The following FAM184B variants were observed in gnomAD, a reference collection of about 807,000 sequenced individuals.
FAM184B encodes the protein family with sequence similarity 184 member B.
In FAM184B, 111 loss-of-function variants were observed where a neutral mutation model predicts 135.9. That is an observed-to-expected ratio of 0.82 (90% confidence interval 0.70 to 0.96). The LOEUF is 0.96. Among genes scored for constraint, FAM184B ranks in the 40% least tolerant of loss-of-function variants. The pLI is 0.00. For synonymous variants in FAM184B, 552 were observed against 524.8 expected, an observed-to-expected ratio of 1.05 and a Z score of -0.71; for missense variants, 1,375 against 1,323.9, an observed-to-expected ratio of 1.04 and a Z score of -0.60.
intron 2 of FAM184B, 92 bp from the exon 3 acceptor site, chr4:17,707,876 G>T (rs1003795920): frequency 3.3e-5 from 47 of 1,434,396 alleles, no homozygotes; most frequent in Non-Finnish European, 4.3e-5. Context: ...CTGAAAGGCG[G>T]GTATATGCAC....
chr4:17,736,315 A>T (rs967611601), intron 1 of FAM184B, among the ~76,000 whole-genome samples: 1 of 152,256 alleles, frequency 6.6e-6, no homozygotes, highest in African/African-American at 2.4e-5. Context: ...CCACTTAAGT[A>T]AAAGTGAATC....
intron 1 of FAM184B, among the ~76,000 whole-genome samples, chr4:17,722,873 C>T (rs1048524654): frequency 5.9e-5 from 9 of 152,152 alleles, no homozygotes; most frequent in Admixed American, 2.0e-4. Flanking sequence ...AAAAACAATA[C>T]AAAGAAATCT....
At chr4:17,712,846 GAA>G (rs1577272483) in intron 1 of FAM184B, among the ~76,000 whole-genome samples, 1 of 152,330 alleles carries the variant, frequency 6.6e-6, no homozygotes, top group East Asian at 1.9e-4. Flanking sequence ...TGTATGAGAG[GAA>G]GTTTTGGGTA....
chr4:17,666,830 A>C (rs1716060004), intron 7 of FAM184B, among the ~76,000 whole-genome samples: 1 of 151,962 alleles, frequency 6.6e-6, no homozygotes, highest in South Asian at 2.1e-4. Context: ...TGCCTAGAAC[A>C]GTGTGTGGCA....
chr4:17,772,846 C>A (rs1718848730), intron 1 of FAM184B, among the ~76,000 whole-genome samples: 1 of 152,210 alleles, frequency 6.6e-6, no homozygotes, highest in South Asian at 2.1e-4. Flanking sequence ...GCACCTACCC[C>A]TGTAAAATTG....
intron 1 of FAM184B, 68 bp from the exon 2 acceptor site, chr4:17,709,712 A>G: frequency 7.4e-7 from 1 of 1,360,422 alleles, no homozygotes; most frequent in Non-Finnish European, 9.7e-7. Flanking sequence ...GAGGGGACAG[A>G]GCAATATTCT....
intron 7 of FAM184B, among the ~76,000 whole-genome samples, chr4:17,667,614 G>A (rs1424605045): frequency 1.3e-5 from 2 of 152,110 alleles, no homozygotes; most frequent in Non-Finnish European, 2.9e-5. Flanking sequence ...TCTGCCTCCC[G>A]CAGCTTTTCT....
chr4:17,763,252 G>T (rs995040563), intron 1 of FAM184B, among the ~76,000 whole-genome samples: 1 of 152,026 alleles, frequency 6.6e-6, no homozygotes, highest in Admixed American at 6.6e-5. Context: ...TCTCTAAATT[G>T]GGTCTTCCCT....
chr4:17,660,931 G>A (rs1335767765), intron 8 of FAM184B, among the ~76,000 whole-genome samples: 1 of 152,086 alleles, frequency 6.6e-6, no homozygotes, highest in East Asian at 1.9e-4. Context: ...ATGAGAAGGG[G>A]CACTCTGCTT....
At chr4:17,653,285 TGACA>T (rs1201145027) in intron 10 of FAM184B, among the ~76,000 whole-genome samples, 2 of 152,214 alleles carry the variant, frequency 1.3e-5, no homozygotes, top group Admixed American at 1.3e-4. Flanking sequence ...CAAAAGAGAC[TGACA>T]GACAGATACT....
At chr4:17,683,233 G>A (rs1382485006) in intron 7 of FAM184B, among the ~76,000 whole-genome samples, 1 of 152,202 alleles carries the variant, frequency 6.6e-6, no homozygotes, top group Non-Finnish European at 1.5e-5. Context: ...CGTGTTGCTG[G>A]TGGGGGCACA....
chr4:17,646,023 A>C (rs904249907), intron 12 of FAM184B, among the ~76,000 whole-genome samples: 1 of 152,150 alleles, frequency 6.6e-6, no homozygotes, highest in Non-Finnish European at 1.5e-5. Flanking sequence ...TCAAAACCAC[A>C]ATGAGATACC....
chr4:17,720,329 C>T (rs941091228), intron 1 of FAM184B, among the ~76,000 whole-genome samples: 1 of 152,162 alleles, frequency 6.6e-6, no homozygotes, highest in African/African-American at 2.4e-5. Flanking sequence ...TCTCATTTCA[C>T]AGGAACTCCT....
At chr4:17,699,455 G>A (rs758663527) in intron 5 of FAM184B, among the ~76,000 whole-genome samples, 15 of 152,110 alleles carry the variant, frequency 9.9e-5, no homozygotes, top group Middle Eastern at 3.4e-3. Context: ...GAAAGCAGCC[G>A]ATAAGAAGAA....
Position 17,658,549 on chromosome 4 carries a change from T to G in FAM184B, c.1838A>C (p.Gln613Pro), listed in dbSNP as rs978065223. 3.2e-6 allele frequency: 5 copies of G among 1,550,974 alleles called. No homozygotes were observed. The highest frequency in any genetic ancestry group is 2.0e-5 in the Admixed American group (1 of 50,994). The change falls in exon 10 of 18, where the codon CAG becomes CCG. Residue 613 changes from glutamine (Q) to proline (P), a missense_variant. Coordinates refer to ENST00000265018, the MANE Select transcript of FAM184B (RefSeq NM_015688.2). ...AKLQAQVSQM[Q>P]QALEQCTSNY... ...GCTGGTGCACTGCTCCAGAGCCTGC[T>G]GCATCTGTGAGACCTGCGCACAAGG...
At chr4:17,657,829 G>T (rs901432627) in intron 10 of FAM184B, among the ~76,000 whole-genome samples, 1 of 151,846 alleles carries the variant, frequency 6.6e-6, no homozygotes, top group Non-Finnish European at 1.5e-5. Context: ...GTTAATTTTT[G>T]TATTTTTAGT....
chr4:17,655,568 A>G (rs1415920976), intron 10 of FAM184B, among the ~76,000 whole-genome samples: 1 of 152,156 alleles, frequency 6.6e-6, no homozygotes, highest in African/African-American at 2.4e-5. Flanking sequence ...CAAAAGTCCT[A>G]TATTATGTAA....
At chr4:17,701,980 CAT>C (rs1427811410) in intron 5 of FAM184B, among the ~76,000 whole-genome samples, 2 of 152,168 alleles carry the variant, frequency 1.3e-5, no homozygotes, top group African/African-American at 2.4e-5. Flanking sequence ...AGTAACCACA[CAT>C]GTCTAGTGGC....
chr4:17,645,547 C>A lies in FAM184B; in HGVS notation c.2346+2090G>T, dbSNP rs569990992. 4.6e-5 allele frequency among the ~76,000 whole-genome samples: 7 copies of A among 151,994 alleles called. No individual in the cohort carries two copies. The South Asian group carries it at 1.5e-3, about 32-fold the overall frequency. On this transcript the variant is annotated intron_variant, in intron 12 of 17. Transcript: ENST00000265018. ...ATATGTAGAAAGCTGAAACTGGATC[C>A]CTTCCTTACACCTTATACAAAAATT...
Sources: allele counts gnomAD v4.1 joint callset (sites outside exome capture counted in the v4.1 genomes callset), GRCh38; gene constraint gnomAD v4.1.1; transcripts MANE v1.5; gene names NCBI Gene and HGNC (gene_info 2026-07-23, HGNC 2026-07-21).